Variants in SLC24A2 observed in about 807,000 individuals in gnomAD.
SLC24A2 encodes the protein solute carrier family 24 member 2.
Under a neutral mutation model 62.0 loss-of-function variants are expected in SLC24A2, and 36 were observed. That is an observed-to-expected ratio of 0.58 (90% CI 0.44 to 0.77). The LOEUF (loss-of-function observed/expected upper bound fraction) is 0.77. Ranked by LOEUF, SLC24A2 falls within the 30% of genes least tolerant of loss-of-function variation. The pLI is 0.00. For missense variants in SLC24A2, 846 were observed against 817.9 expected, an observed-to-expected ratio of 1.03 and a Z score of -0.42; for synonymous variants, 358 against 294.0, an observed-to-expected ratio of 1.22 and a Z score of -2.23.
intron 2 of SLC24A2, among the ~76,000 whole-genome samples, chr9:19,708,487 G>A (rs1400615755): frequency 6.6e-6 from 1 of 152,098 alleles, no homozygotes; most frequent in Non-Finnish European, 1.5e-5. Context: ...GAGCCATCAC[G>A]CTACCTGACT....
intron 7 of SLC24A2, among the ~76,000 whole-genome samples, chr9:19,571,172 C>G (rs1490806064): frequency 6.6e-6 from 1 of 152,146 alleles, no homozygotes; most frequent in African/African-American, 2.4e-5. Flanking sequence ...CTCCTGCTGC[C>G]ACACGCTGCT....
At chr9:19,824,251 A>G in the SLC24A2 span, among the ~76,000 whole-genome samples, 1 of 152,240 alleles carries the variant, frequency 6.6e-6, no homozygotes, top group Non-Finnish European at 1.5e-5. Context: ...ACAGAATGGG[A>G]GAAAATTGTT....
At chr9:19,980,945 C>T in the SLC24A2 span, among the ~76,000 whole-genome samples, 1 of 152,192 alleles carries the variant, frequency 6.6e-6, no homozygotes, top group African/African-American at 2.4e-5. Flanking sequence ...AATACTACTC[C>T]TAATCACTTC....
the SLC24A2 span, among the ~76,000 whole-genome samples, chr9:20,060,632 T>G: frequency 2.0e-5 from 3 of 152,106 alleles, no homozygotes; most frequent in East Asian, 5.8e-4. Flanking sequence ...AAACCAGGAA[T>G]AGAAGGGAAC....
chr9:20,026,838 A>C, the SLC24A2 span, among the ~76,000 whole-genome samples: 1 of 152,190 alleles, frequency 6.6e-6, no homozygotes, highest in Admixed American at 6.6e-5. Flanking sequence ...GATTATGTCA[A>C]CCTAAAAAGC....
the SLC24A2 span, among the ~76,000 whole-genome samples, chr9:20,169,557 G>T: frequency 2.6e-5 from 4 of 151,776 alleles, no homozygotes; most frequent in Non-Finnish European, 5.9e-5. Flanking sequence ...AGACCTGCTG[G>T]GTGATTGGAT....
At chr9:19,965,376 G>A in the SLC24A2 span, among the ~76,000 whole-genome samples, 1 of 152,186 alleles carries the variant, frequency 6.6e-6, no homozygotes, top group Non-Finnish European at 1.5e-5. Context: ...AGTGGGTCTT[G>A]TGGTGGTTAA....
the SLC24A2 span, among the ~76,000 whole-genome samples, chr9:20,033,405 G>T: frequency 6.6e-6 from 1 of 152,160 alleles, no homozygotes. Flanking sequence ...CTAATATGCA[G>T]GACTGCTAGG....
chr9:19,833,397 C>T, the SLC24A2 span, among the ~76,000 whole-genome samples: 1 of 152,200 alleles, frequency 6.6e-6, no homozygotes, highest in Non-Finnish European at 1.5e-5. Context: ...GCTTTTCCAA[C>T]AGGCTTAACA....
chr9:20,183,696 G>C, the SLC24A2 span, among the ~76,000 whole-genome samples: 5 of 152,320 alleles, frequency 3.3e-5, no homozygotes, highest in East Asian at 5.8e-4. Flanking sequence ...AGAGGCTTCA[G>C]AGGATGGAAT....
intron 10 of SLC24A2, among the ~76,000 whole-genome samples, chr9:19,518,394 ATTTTTCTTTTCTTTC>A (rs1206755561): frequency 1.1e-4 from 16 of 150,208 alleles, no homozygotes; most frequent in South Asian, 6.4e-4. Context: ...TTTAAGCTTT[ATTTTTCTTTTCTTTC>A]TTTTTCTTTT....
intron 2 of SLC24A2, among the ~76,000 whole-genome samples, chr9:19,673,867 A>G (rs1275386912): frequency 1.3e-5 from 2 of 152,200 alleles, no homozygotes; most frequent in Non-Finnish European, 2.9e-5. Context: ...TTTACACTCA[A>G]TGCTAGTATT....
At chr9:20,208,981 T>G in the SLC24A2 span, among the ~76,000 whole-genome samples, 3 of 152,250 alleles carry the variant, frequency 2.0e-5, no homozygotes, top group African/African-American at 7.2e-5. Context: ...ACGGCTCAAC[T>G]GCTTACTAGC....
chr9:20,292,993 C>A, the SLC24A2 span, among the ~76,000 whole-genome samples: 123 of 152,324 alleles, frequency 8.1e-4, no homozygotes, highest in Admixed American at 2.3e-3. Context: ...CTCTTCCCAG[C>A]TTCTGGTGGT....
chr9:19,926,498 G>A, the SLC24A2 span: 23 of 152,150 alleles, frequency 1.5e-4, no homozygotes, highest in Admixed American at 1.4e-3. Flanking sequence ...TCCAATCAGT[G>A]TCCAGGTGTT....
chr9:20,054,163 T>C, the SLC24A2 span, among the ~76,000 whole-genome samples: 1 of 152,000 alleles, frequency 6.6e-6, no homozygotes, highest in Non-Finnish European at 1.5e-5. Flanking sequence ...TTTCTTTTCT[T>C]TTTTCTTTTT....
At chr9:20,069,116 G>C in the SLC24A2 span, among the ~76,000 whole-genome samples, 1 of 152,044 alleles carries the variant, frequency 6.6e-6, no homozygotes, top group Non-Finnish European at 1.5e-5. Context: ...TGTTATCCTT[G>C]ACTTTTTCTT....
At chr9:19,674,770 T>C (rs1346126164) in intron 2 of SLC24A2, among the ~76,000 whole-genome samples, 1 of 152,198 alleles carries the variant, frequency 6.6e-6, no homozygotes, top group Admixed American at 6.5e-5. Flanking sequence ...TTGTATCTTT[T>C]TCAAAATTTC....
At chr9:19,754,140 G>A (rs750492057) in intron 2 of SLC24A2, among the ~76,000 whole-genome samples, 7 of 152,184 alleles carry the variant, frequency 4.6e-5, no homozygotes, top group Non-Finnish European at 1.0e-4. Context: ...GTAAGCCACT[G>A]AATGAATTCC....
Sources: allele counts gnomAD v4.1 joint callset (sites outside exome capture counted in the v4.1 genomes callset), GRCh38; gene constraint gnomAD v4.1.1; transcripts MANE v1.5; gene names NCBI Gene and HGNC (gene_info 2026-07-23, HGNC 2026-07-21).